Variants in MYO1D observed in about 807,000 individuals in gnomAD.
MYO1D encodes the protein myosin ID.
MYO1D carries 83 observed loss-of-function variants against 122.0 expected under a neutral mutation model. That is an observed-to-expected ratio of 0.68 (90% CI 0.57 to 0.82). The LOEUF (loss-of-function observed/expected upper bound fraction) is 0.82, where lower values mean the gene tolerates loss of function less well. Ranked by LOEUF, MYO1D falls within the 40% of genes least tolerant of loss-of-function variation. The probability of loss-of-function intolerance (pLI) is 0.00; values close to 1 mark genes in which losing one functional copy is unlikely to be tolerated. For synonymous variants in MYO1D, 464 were observed against 446.9 expected (o/e 1.04, Z -0.48); for missense variants, 1,157 against 1,269.5 (o/e 0.91, Z 1.35).
At chr17:32,837,275 CTGTT>C (rs1405494650) in intron 1 of MYO1D, among the ~76,000 whole-genome samples, 1 of 100,692 alleles carries the variant, frequency 9.9e-6, no homozygotes, top group Non-Finnish European at 2.0e-5. Flanking sequence ...TTTAACTGGG[CTGTT>C]TGTCTTTTTT....
intron 5 of MYO1D, among the ~76,000 whole-genome samples, chr17:32,772,338 GT>G (rs930354619): frequency 1.3e-5 from 2 of 151,626 alleles, no homozygotes; most frequent in African/African-American, 4.8e-5. Context: ...AATCCAGATT[GT>G]TTTTTTAAAA....
At chr17:32,862,393 C>T (rs1478832633) in intron 1 of MYO1D, among the ~76,000 whole-genome samples, 2 of 152,304 alleles carry the variant, frequency 1.3e-5, no homozygotes, top group East Asian at 3.9e-4. Context: ...TGGCTGCCAC[C>T]ATACTTTCAA....
chr17:32,678,533 T>C (rs1334524491), intron 16 of MYO1D, among the ~76,000 whole-genome samples: 1 of 150,150 alleles, frequency 6.7e-6, no homozygotes, highest in African/African-American at 2.5e-5. Context: ...CTTGCGATAG[T>C]TTACTGAGAA....
rs574369597 is a variant in MYO1D, at chr17:32,873,983, A to G, written c.95+2795T>C. Among the ~76,000 whole-genome samples, 6 of 152,142 alleles carry G rather than the reference A, an allele frequency of 3.9e-5. No individual in the cohort carries two copies. The East Asian group carries it at 1.2e-3, about 29-fold the overall frequency. On this transcript the variant is annotated intron_variant, in intron 1 of 21. Coordinates refer to ENST00000318217, the MANE Select transcript of MYO1D (RefSeq NM_015194.3). Reference sequence around the variant, plus strand: ...CCCTTCCAAACAACTTAACTTATTCACTGTCACCCAGAGTCAGCTTTCATG... The same window carrying G: ...CCCTTCCAAACAACTTAACTTATTCGCTGTCACCCAGAGTCAGCTTTCATG...
intron 21 of MYO1D, among the ~76,000 whole-genome samples, chr17:32,548,784 GCT>G (rs2086986744): frequency 6.6e-6 from 1 of 150,574 alleles, no homozygotes; most frequent in African/African-American, 2.4e-5. Flanking sequence ...CATGATCTTG[GCT>G]CTCTGCAACC....
chr17:32,620,963 A>T (rs1036809258), intron 20 of MYO1D, among the ~76,000 whole-genome samples: 1 of 152,208 alleles, frequency 6.6e-6, no homozygotes, highest in South Asian at 2.1e-4. Flanking sequence ...TAGAGTTTGC[A>T]TTTTATTCAG....
intron 17 of MYO1D, among the ~76,000 whole-genome samples, chr17:32,658,136 TTTC>T (rs552194498): frequency 2.1e-3 from 322 of 152,368 alleles, no homozygotes; most frequent in African/African-American, 7.5e-3. Flanking sequence ...TGAGCAATTA[TTTC>T]TTTTTTTAAA....
intron 16 of MYO1D, among the ~76,000 whole-genome samples, chr17:32,711,389 T>G (rs1328824237): frequency 6.6e-6 from 1 of 152,230 alleles, no homozygotes; most frequent in East Asian, 1.9e-4. Context: ...GGCTCACGCC[T>G]GTAATCCCAG....
chr17:32,746,999 G>A (rs931304735), intron 12 of MYO1D, among the ~76,000 whole-genome samples: 1 of 152,188 alleles, frequency 6.6e-6, no homozygotes, highest in African/African-American at 2.4e-5. Flanking sequence ...TGTAAGTGAG[G>A]CTTGGATTTT....
At chr17:32,646,366 G>A (rs962358102) in intron 19 of MYO1D, among the ~76,000 whole-genome samples, 2 of 152,134 alleles carry the variant, frequency 1.3e-5, no homozygotes, top group Non-Finnish European at 2.9e-5. Flanking sequence ...CTACTTGGGA[G>A]GCTGAGGCAA....
chr17:32,811,327 C>T (rs889930371), intron 1 of MYO1D, among the ~76,000 whole-genome samples: 9 of 152,182 alleles, frequency 5.9e-5, no homozygotes, highest in Admixed American at 2.0e-4. Flanking sequence ...AATGGCTATC[C>T]ACTTAGCCAA....
rs558274091 is a variant in MYO1D at position 32,787,211 on chromosome 17, A to G, written c.96-6427T>C. On this transcript the variant is annotated intron_variant, in intron 1 of 21. Coordinates refer to ENST00000318217, the MANE Select transcript of MYO1D (RefSeq NM_015194.3). Reference sequence around the variant, plus strand: ...AGAGAATGGACACTGCTGAAAATAGAAGGAGACAGGAAGAAAAGGTGGAGA... The same window carrying G: ...AGAGAATGGACACTGCTGAAAATAGGAGGAGACAGGAAGAAAAGGTGGAGA... Among the ~76,000 whole-genome samples the G allele has an allele frequency of 1.4e-3, 220 of 152,328 alleles. 3 individuals carry two copies. The highest frequency in any genetic ancestry group is 5.1e-3 in the African/African-American group (214 of 41,594).
rs2088525779 is a variant in MYO1D, at chr17:32,659,403, T to G, written c.2122-65A>C. On this transcript the variant is annotated intron_variant, in intron 16 of 21. Transcript: ENST00000318217. ...GGCTGAGTTGTGGATGGCTTTGATATTATAGCAGCTCCTCTACTTACAAAC... is the reference window on the plus strand; with the variant it reads ...GGCTGAGTTGTGGATGGCTTTGATAGTATAGCAGCTCCTCTACTTACAAAC... 3.1e-5 allele frequency: 47 copies of G among 1,495,096 alleles called. No homozygotes were observed. The South Asian group carries it at 4.8e-4, about 15-fold the overall frequency. The allele number at this position is 1,495,096 out of a possible 1,614,324, so 92.6% of individuals were successfully genotyped here. A position where few individuals can be genotyped will look rare whatever the true frequency, so the allele number is the denominator to read the frequency against.
chr17:32,726,701 A>G (rs1388736254), intron 14 of MYO1D, among the ~76,000 whole-genome samples: 1 of 149,218 alleles, frequency 6.7e-6, no homozygotes, highest in Non-Finnish European at 1.5e-5. Context: ...TATAACATCT[A>G]TATCTAATAT....
chr17:32,869,918 G>A (rs2091164353), intron 1 of MYO1D, among the ~76,000 whole-genome samples: 1 of 152,040 alleles, frequency 6.6e-6, no homozygotes, highest in South Asian at 2.1e-4. Context: ...GGGTGACAGA[G>A]TGAGACCTCG....
chr17:32,745,334 C>A, intron 12 of MYO1D, 49 bp from the exon 13 acceptor site: 1 of 1,262,312 alleles, frequency 7.9e-7, no homozygotes, highest in East Asian at 2.4e-5. Flanking sequence ...CAAGCAAGAG[C>A]CACATTTAAG....
chr17:32,708,633 T>C (rs996805959), intron 16 of MYO1D, among the ~76,000 whole-genome samples: 10 of 152,146 alleles, frequency 6.6e-5, no homozygotes, highest in African/African-American at 2.2e-4. Flanking sequence ...TCCAATTTTA[T>C]GGCCTGTGGA....
At chr17:32,700,575 T>A (rs1163477445) in intron 16 of MYO1D, among the ~76,000 whole-genome samples, 4 of 152,194 alleles carry the variant, frequency 2.6e-5, no homozygotes, top group South Asian at 4.1e-4. Flanking sequence ...TGGAGAAAGA[T>A]AAACTGATTG....
chr17:32,508,410 A>G (rs964686781), intron 21 of MYO1D, among the ~76,000 whole-genome samples: 1 of 151,786 alleles, frequency 6.6e-6, no homozygotes, highest in African/African-American at 2.4e-5. Flanking sequence ...GAGTAGCTGG[A>G]ATTAACAGGC....
Sources: gnomAD v4.1 joint callset for allele counts (sites outside exome capture counted in the v4.1 genomes callset) on GRCh38, gnomAD v4.1.1 for gene constraint, MANE v1.5 for transcripts, NCBI Gene and HGNC (gene_info 2026-07-23, HGNC 2026-07-21) for gene names.